The following ADRA1B variants were observed in gnomAD, a reference collection of about 807,000 sequenced individuals.
The protein encoded by ADRA1B is alpha-1B adrenergic receptor.
Under a neutral mutation model 17.9 loss-of-function variants are expected in ADRA1B, and 17 were observed. The ratio of observed to expected loss-of-function variants is 0.95; its 90% CI spans 0.65 to 1.42. The LOEUF is 1.42. ADRA1B is among the 40% of genes most tolerant of loss of function. The pLI is 0.00. For missense variants in ADRA1B, 681 were observed against 722.1 expected (o/e 0.94, Z 0.65); for synonymous variants, 366 against 327.6 (o/e 1.12, Z -1.27).
chr5:159,907,815 G>A (rs1554088695), intron 1 of ADRA1B, among the ~76,000 whole-genome samples: 1 of 152,174 alleles, frequency 6.6e-6, no homozygotes, highest in Non-Finnish European at 1.5e-5. Context: ...GCCAGGAAGT[G>A]GCAGGAGCTA....
At chr5:159,887,310 A>G (rs1276661680) in intron 1 of ADRA1B, among the ~76,000 whole-genome samples, 2 of 152,238 alleles carry the variant, frequency 1.3e-5, no homozygotes, top group African/African-American at 4.8e-5. Flanking sequence ...GTCAGGCTAC[A>G]TGTGGAGTTG....
intron 1 of ADRA1B, among the ~76,000 whole-genome samples, chr5:159,947,209 T>C (rs1248665101): frequency 6.6e-6 from 1 of 151,982 alleles, no homozygotes; most frequent in Non-Finnish European, 1.5e-5. Flanking sequence ...AGGTGTGGTG[T>C]GGATGCCTGT....
chr5:159,970,268 T>C (rs2113296835), intron 1 of ADRA1B, among the ~76,000 whole-genome samples: 1 of 152,336 alleles, frequency 6.6e-6, no homozygotes, highest in Non-Finnish European at 1.5e-5. Context: ...AACATGTTTT[T>C]GTTAATTTGA....
chr5:159,932,765 C>T (rs1754851172), intron 1 of ADRA1B, among the ~76,000 whole-genome samples: 1 of 152,092 alleles, frequency 6.6e-6, no homozygotes, highest in Non-Finnish European at 1.5e-5. Flanking sequence ...CACTATTCCT[C>T]ATTTTGCTTT....
intron 1 of ADRA1B, among the ~76,000 whole-genome samples, chr5:159,889,046 A>G (rs1753955214): frequency 1.3e-5 from 2 of 152,180 alleles, no homozygotes; most frequent in Non-Finnish European, 2.9e-5. Flanking sequence ...ATATACAGTC[A>G]CACCCAAAGA....
the ADRA1B span, among the ~76,000 whole-genome samples, chr5:159,980,398 C>T: frequency 6.6e-6 from 1 of 152,174 alleles, no homozygotes. Flanking sequence ...CTCCACACTG[C>T]CTGGCCCCAA....
At chr5:159,969,935 T>TAAAA (rs573102913) in intron 1 of ADRA1B, among the ~76,000 whole-genome samples, 22 of 149,202 alleles carry the variant, frequency 1.5e-4, no homozygotes, top group African/African-American at 4.0e-4. Flanking sequence ...TGCATTTTTT[T>TAAAA]AAAAAAAAAA....
intron 1 of ADRA1B, among the ~76,000 whole-genome samples, chr5:159,882,305 G>A (rs957792985): frequency 1.3e-5 from 2 of 152,184 alleles, no homozygotes; most frequent in East Asian, 3.9e-4. Context: ...GGAGGTAGCA[G>A]GAAAGTGTAC....
chr5:159,924,682 C>T (rs577078271), intron 1 of ADRA1B, among the ~76,000 whole-genome samples: 2 of 152,096 alleles, frequency 1.3e-5, no homozygotes, highest in African/African-American at 2.4e-5. Context: ...CCAGCAGGTG[C>T]GTGTGTAGCT....
the ADRA1B span, among the ~76,000 whole-genome samples, chr5:159,979,651 G>A: frequency 2.8e-4 from 43 of 152,044 alleles, no homozygotes; most frequent in East Asian, 3.9e-3. Flanking sequence ...GCGGATCACC[G>A]GAGGTCAGGA....
chr5:159,956,768 C>T (rs187385975), intron 1 of ADRA1B, among the ~76,000 whole-genome samples: 80 of 152,302 alleles, frequency 5.3e-4, no homozygotes, highest in Non-Finnish European at 3.5e-4. Flanking sequence ...TTTACATCTC[C>T]GCCCAGAATA....
At chr5:159,912,145 TACACACATTTTC>T (rs1239565495), upstream of ADRA1B, among the ~76,000 whole-genome samples, 1 of 152,226 alleles carries the variant, frequency 6.6e-6, no homozygotes, top group African/African-American at 2.4e-5. Context: ...CTGAGCACTT[TACACACATTTTC>T]ACATGTCATC....
At chr5:159,883,172 C>G (rs10052787) in intron 1 of ADRA1B, among the ~76,000 whole-genome samples, 13,460 of 152,230 alleles carry the variant, frequency 0.088, 698 homozygotes, top group African/African-American at 0.14. Flanking sequence ...CTTTTTCCCC[C>G]TTCCAACTTG....
At chr5:159,912,480 C>T (rs193002243), upstream of ADRA1B, among the ~76,000 whole-genome samples, 26 of 152,336 alleles carry the variant, frequency 1.7e-4, no homozygotes, top group African/African-American at 6.3e-4. Context: ...ACCTTTACTC[C>T]CAGACAGCTC....
At chr5:159,948,499 A>C in intron 1 of ADRA1B, 2 of 979,774 alleles carry the variant, frequency 2.0e-6, no homozygotes, top group Non-Finnish European at 2.4e-6. Flanking sequence ...TTTTATTACA[A>C]GAAGTTATAT....
At chr5:159,871,714 A>G (rs562160073) in intron 1 of ADRA1B, among the ~76,000 whole-genome samples, 16 of 152,202 alleles carry the variant, frequency 1.1e-4, no homozygotes, top group Non-Finnish European at 2.2e-4. Flanking sequence ...GGGTGGGGTT[A>G]GGACTTAGAC....
chr5:159,899,477 A>C (rs1754078814), intron 1 of ADRA1B, among the ~76,000 whole-genome samples: 1 of 152,178 alleles, frequency 6.6e-6, no homozygotes, highest in African/African-American at 2.4e-5. Context: ...TGGAGAAAGA[A>C]GCTTCACCGC....
At chr5:159,870,643 C>G (rs1753726180) in intron 1 of ADRA1B, 1 of 152,132 alleles carries the variant, frequency 6.6e-6, no homozygotes. Flanking sequence ...CAGCACCAAT[C>G]CGGGTGTGAA....
intron 1 of ADRA1B, chr5:159,868,167 T>C (rs2113063458): frequency 6.6e-6 from 1 of 152,192 alleles, no homozygotes; most frequent in Non-Finnish European, 1.5e-5. Flanking sequence ...ATAAATAAGG[T>C]AAAGACAAAA....
Sources: allele counts gnomAD v4.1 joint callset (sites outside exome capture counted in the v4.1 genomes callset), GRCh38; gene constraint gnomAD v4.1.1; transcripts MANE v1.5; gene names NCBI Gene and HGNC (gene_info 2026-07-23, HGNC 2026-07-21).